ATAD3C: variants seen among roughly 807,000 people sequenced by gnomAD.
ATAD3C encodes the protein ATPase family AAA domain-containing protein 3C.
Under a neutral mutation model 46.3 loss-of-function variants are expected in ATAD3C, and 38 were observed. That is an observed-to-expected ratio of 0.82 (90% CI 0.63 to 1.08). The LOEUF is 1.08. Ranked by LOEUF, ATAD3C falls within the 50% of genes least tolerant of loss-of-function variation. ATAD3C has a pLI of 0.00. For synonymous variants in ATAD3C, 220 were observed against 236.4 expected (o/e 0.93, Z 0.63); for missense variants, 563 against 572.7 (o/e 0.98, Z 0.17).
intron 1 of ATAD3C, among the ~76,000 whole-genome samples, chr1:1,451,655 C>T (rs1295096331): frequency 6.6e-6 from 1 of 152,080 alleles, no homozygotes; most frequent in African/African-American, 2.4e-5. Context: ...CGGTCACCTT[C>T]AGTCCTGAGC....
Position 1,460,860 on chromosome 1 carries a change from G to A in ATAD3C, c.923G>A (p.Arg308His), listed in dbSNP as rs752219017. Reference sequence around the variant, plus strand: ...CTGCCAGGGCAGGAGGAGCGGGCGCGCCTGGTGAGAATGTATCTTAACGAG... The same window carrying A: ...CTGCCAGGGCAGGAGGAGCGGGCGCACCTGGTGAGAATGTATCTTAACGAG... ...FDLPGQEERA[R>H]LVRMYLNEYV... is the part of the protein sequence containing the mutation. The change falls in exon 10 of 12, where the codon CGC becomes CAC. Residue 308 changes from arginine (R) to histidine (H), a missense_variant. By Grantham distance (29) the Arg-to-His change is conservative. Transcript: ENST00000378785. 1.4e-5 allele frequency: 22 copies of A among 1,612,948 alleles called. No individual in the cohort carries two copies. In the East Asian group the frequency reaches 2.0e-4, roughly 15 times the overall value.
intron 11 of ATAD3C, among the ~76,000 whole-genome samples, chr1:1,466,889 G>T (rs918233246): frequency 7.9e-5 from 12 of 151,950 alleles, no homozygotes; most frequent in South Asian, 2.1e-4. Flanking sequence ...GGATGAGTGA[G>T]GAAATGTTCT....
chr1:1,457,195 GC>G lies in ATAD3C; in HGVS notation c.741+17del. 1 of 1,613,484 alleles carries G rather than the reference GC, an allele frequency of 6.2e-7. No individual in the cohort carries two copies. The highest frequency in any genetic ancestry group is 8.5e-7 in the Non-Finnish European group (1 of 1,179,584). ...AGCGAGCCACTGTGAGTGTCACTAA[GC>G]CTCTGTCTGGCCACAGGAGGGTGGT... On this transcript the variant is annotated intron_variant, in intron 8 of 11. Coordinates refer to ENST00000378785, the MANE Select transcript of ATAD3C (RefSeq NM_001039211.3).
chr1:1,457,421 C>T (rs886135464), intron 8 of ATAD3C, among the ~76,000 whole-genome samples: 14 of 151,224 alleles, frequency 9.3e-5, no homozygotes, highest in East Asian at 3.9e-4. Context: ...GGTGAAACCC[C>T]GTCTCTACTA....
intron 4 of ATAD3C, among the ~76,000 whole-genome samples, chr1:1,455,216 C>CAAAAAAA (rs56939451): frequency 2.0e-5 from 1 of 49,278 alleles, no homozygotes; most frequent in Non-Finnish European, 5.1e-5. Flanking sequence ...GACTCCGTCT[C>CAAAAAAA]AAAAAAAAAA....
chr1:1,466,919 G>A (rs888698217), intron 11 of ATAD3C, among the ~76,000 whole-genome samples: 10 of 152,138 alleles, frequency 6.6e-5, no homozygotes, highest in Middle Eastern at 3.4e-3. Flanking sequence ...CCAAGAGTTT[G>A]AGGAGTGGTA....
In ATAD3C at chr1:1,454,403, T is replaced by C. The variant is rs1638916079; in HGVS notation, c.281T>C (p.Val94Ala). 1 of 1,605,670 alleles carries C rather than the reference T, an allele frequency of 6.2e-7. No homozygotes were observed. Among genetic ancestry groups the C allele is most frequent in the Admixed American group, 1.7e-5 (1 of 59,370 alleles). Residue 94 changes from valine to alanine, a missense_variant, in exon 4 of 12, where the codon GTC becomes GCC. Coordinates refer to ENST00000378785, the MANE Select transcript of ATAD3C (RefSeq NM_001039211.3). ...GVYSAKNATA[V>A]TGRYIEARLG... The stretch of plus-strand genomic sequence containing the variant: ...TACTCAGCCAAGAATGCGACAGCCG[T>C]CACTGGCCGCTACATCGAGGCTCGG...
In ATAD3C at chr1:1,457,612, AAAC is replaced by A. The variant is rs538796722; in HGVS notation, c.741+435_741+437del. 0.022 allele frequency among the ~76,000 whole-genome samples: 2,913 copies of A among 132,260 alleles called. 418 individuals are homozygous for A. In the East Asian group the frequency reaches 0.29, roughly 13 times the overall value. The allele number at this position is 132,260 out of a possible 152,430, so 86.8% of individuals were successfully genotyped here. A position where few individuals can be genotyped will look rare whatever the true frequency, so the allele number is the denominator to read the frequency against. On this transcript the variant is annotated intron_variant, in intron 8 of 11. Coordinates refer to ENST00000378785, the MANE Select transcript of ATAD3C (RefSeq NM_001039211.3). The stretch of plus-strand genomic sequence containing the variant: ...CTTCATCTCAAAAAAAAAAAAAAAA[AAAC>A]AAAAAAAACAGCATTTTTTTAGGTC...
chr1:1,468,166 T>C (rs1360444551), intron 11 of ATAD3C, among the ~76,000 whole-genome samples: 2 of 152,078 alleles, frequency 1.3e-5, no homozygotes, highest in Admixed American at 6.6e-5. Context: ...TTGAGCAACA[T>C]TGGTGCTGAG....
At chr1:1,452,536 T>C in intron 3 of ATAD3C, 102 bp downstream of exon 3, 1 of 1,578,120 alleles carries the variant, frequency 6.3e-7, no homozygotes. Flanking sequence ...GCACAGGTCC[T>C]GGCGCTCTCC....
At position 1,465,357 on chromosome 1, in the gene ATAD3C, T is replaced by C. The variant is rs574780089; in HGVS notation, c.1089+2649T>C. Among the ~76,000 whole-genome samples, 451 of 151,380 alleles carry C rather than the reference T, an allele frequency of 3.0e-3. 5 individuals carry two copies. The highest frequency in any genetic ancestry group is 0.01 in the African/African-American group (426 of 41,368). On this transcript the variant is annotated intron_variant, in intron 11 of 11. Coordinates refer to ENST00000378785, the MANE Select transcript of ATAD3C (RefSeq NM_001039211.3). ...CTTTAATCCCAGCACTTTGGGAGGC[T>C]GAGGTGGGTGGATCACAAGGTCAGG...
At chr1:1,455,324 G>A in intron 4 of ATAD3C, 136 bp from the exon 5 acceptor site, 1 of 1,291,946 alleles carries the variant, frequency 7.7e-7, no homozygotes, top group Non-Finnish European at 1.1e-6. Context: ...CGGCGGGGCG[G>A]GGTTCCAGCT....
chr1:1,457,090 C>T lies in ATAD3C; in HGVS notation c.690-39C>T, dbSNP rs565115326. 8.1e-4 allele frequency: 1,310 copies of T among 1,611,454 alleles called. 24 individuals carry two copies. The highest frequency in any genetic ancestry group is 4.6e-3 in the African/African-American group (346 of 74,960). ...GGACGCCGCTGTGGGCTGCTCCTGG[C>T]ATCACTCTCACCCAGCTTGGCCTCC... On this transcript the variant is annotated intron_variant, in intron 7 of 11. Coordinates refer to ENST00000378785, the MANE Select transcript of ATAD3C (RefSeq NM_001039211.3).
Position 1,461,170 on chromosome 1 carries a change from A to G in ATAD3C, c.980+253A>G, listed in dbSNP as rs761897485. 3.3e-5 allele frequency among the ~76,000 whole-genome samples: 5 copies of G among 150,320 alleles called. 1 individual carries two copies. Among genetic ancestry groups the G allele is most frequent in the Admixed American group, 3.3e-4 (5 of 15,060 alleles). Reference sequence around the variant, plus strand: ...GTCTTCTGGTTTGGAGGCACAGTCCACTATCACTTACAAACCTTTAACATT... The same window carrying G: ...GTCTTCTGGTTTGGAGGCACAGTCCGCTATCACTTACAAACCTTTAACATT... On this transcript the variant is annotated intron_variant, in intron 10 of 11. Coordinates refer to ENST00000378785, the MANE Select transcript of ATAD3C (RefSeq NM_001039211.3).
In ATAD3C at chr1:1,454,405, A is replaced by C. The variant is rs1232487366; in HGVS notation, c.283A>C (p.Thr95Pro). Reference sequence around the variant, plus strand: ...CTCAGCCAAGAATGCGACAGCCGTCACTGGCCGCTACATCGAGGCTCGGCT... The same window carrying C: ...CTCAGCCAAGAATGCGACAGCCGTCCCTGGCCGCTACATCGAGGCTCGGCT... ...VYSAKNATAV[T>P]GRYIEARLGK... is the part of the protein sequence containing the mutation. The change falls in exon 4 of 12, where the codon ACT (threonine) becomes CCT (proline). Residue 95 changes from threonine to proline, a missense_variant. Thr to Pro is a conservative substitution (Grantham distance 38). Around this residue, in one of 3 missense-constraint regions of ATAD3C, gnomAD observed 263 missense variants for 243.1 expected, o/e 1.08. Coordinates refer to ENST00000378785, the MANE Select transcript of ATAD3C (RefSeq NM_001039211.3). 1 of 1,605,670 alleles carries C rather than the reference A, an allele frequency of 6.2e-7. No individual in the cohort carries two copies.
At chr1:1,451,878 T>C (rs1570141583) in intron 1 of ATAD3C, among the ~76,000 whole-genome samples, 168 bp from the exon 2 acceptor site, 1 of 151,954 alleles carries the variant, frequency 6.6e-6, no homozygotes, top group African/African-American at 2.4e-5. Flanking sequence ...GTGACTGCCG[T>C]CCCGGCCGAT....
At position 1,457,949 on chromosome 1, in the gene ATAD3C, T is replaced by C. The variant is rs562387656; in HGVS notation, c.741+769T>C. 3.3e-5 allele frequency among the ~76,000 whole-genome samples: 5 copies of C among 151,684 alleles called. No individual in the cohort carries two copies. The South Asian group carries it at 8.4e-4, about 25-fold the overall frequency. On this transcript the variant is annotated intron_variant, in intron 8 of 11. Coordinates refer to ENST00000378785, the MANE Select transcript of ATAD3C (RefSeq NM_001039211.3). ...CCTCAGCCTCTCAAAGTGCTGGTATTATAGGTGTGAGCCACTGCACCCGGT... is the reference window on the plus strand; with the variant it reads ...CCTCAGCCTCTCAAAGTGCTGGTATCATAGGTGTGAGCCACTGCACCCGGT...
At chr1:1,452,313 C>T (rs1485670740) in intron 2 of ATAD3C, 52 bp from the exon 3 acceptor site, 19 of 1,612,398 alleles carry the variant, frequency 1.2e-5, no homozygotes, top group African/African-American at 8.0e-5. Flanking sequence ...GTTCTTGCTA[C>T]GTGGCGTGGG....
Position 1,469,681 on chromosome 1 carries a change from T to TG in ATAD3C, c.*1151_*1152insG, listed in dbSNP as rs1639209935. On this transcript the variant is annotated 3_prime_UTR_variant, in exon 12 of 12. Transcript: ENST00000378785. ...TTGAGCCACCGTGCCTGGTCTGTTT[T>TG]TTTTTTTTTTTTGGCAATAGAGTCT... 6.6e-6 allele frequency: 1 copy of TG among 150,840 alleles called. No homozygotes were observed. The highest frequency in any genetic ancestry group is 6.6e-5 in the Admixed American group (1 of 15,088). 9.3% of individuals were successfully genotyped at this position (150,840 alleles called of 1,614,324 possible).
Sources: gnomAD v4.1 joint callset for allele counts (sites outside exome capture counted in the v4.1 genomes callset) on GRCh38, gnomAD v4.1.1 for gene constraint, gnomAD v4.1.1 regional missense constraint, MANE v1.5 for transcripts, NCBI Gene and HGNC (gene_info 2026-07-23, HGNC 2026-07-21) for gene names.